Variants in CHM observed in about 807,000 individuals in gnomAD.
CHM encodes the protein rab proteins geranylgeranyltransferase component A 1.
In CHM, 10 loss-of-function variants were observed where a neutral mutation model predicts 49.0. That is an observed-to-expected ratio of 0.20 (90% CI 0.13 to 0.35). CHM has a LOEUF of 0.35. CHM is among the 10% of genes least tolerant of loss of function. The pLI, the probability that CHM is intolerant of heterozygous loss-of-function variation, is 1.00. For synonymous variants in CHM, 184 were observed against 167.5 expected (o/e 1.10, Z -0.76); for missense variants, 455 against 478.4 (o/e 0.95, Z 0.46).
At chrX:85,967,288 T>TGAA (rs1331145694) in intron 4 of CHM, among the ~76,000 whole-genome samples, 2 of 112,470 alleles carry the variant, frequency 1.8e-5, no homozygotes, top group African/African-American at 3.2e-5. Flanking sequence ...CTTAAAAAGA[T>TGAA]ATTCAACCTT....
At chrX:86,016,844 G>A (rs1312994884) in intron 2 of CHM, among the ~76,000 whole-genome samples, 1 of 111,610 alleles carries the variant, frequency 9.0e-6, no homozygotes, top group African/African-American at 3.3e-5. Context: ...CAGCTTGCAC[G>A]TTCACCTGGA....
intron 8 of CHM, among the ~76,000 whole-genome samples, chrX:85,927,614 T>A (rs769647428): frequency 6.2e-5 from 7 of 112,371 alleles, no homozygotes; most frequent in African/African-American, 2.3e-4. Flanking sequence ...TGGAGTATAA[T>A]CTAATTCTTT....
intron 8 of CHM, among the ~76,000 whole-genome samples, chrX:85,932,000 C>T (rs1387155682): frequency 9.0e-6 from 1 of 111,615 alleles, no homozygotes; most frequent in African/African-American, 3.3e-5. Flanking sequence ...TTTCAACATA[C>T]AAACAATATG....
chrX:85,913,356 G>GAAAGAAAGAAAGAAAA, intron 8 of CHM, among the ~76,000 whole-genome samples: 1 of 63,578 alleles, frequency 1.6e-5, no homozygotes, highest in Non-Finnish European at 3.8e-5. Context: ...AAGAAAGAAA[G>GAAAGAAAGAAAGAAAA]AAAGAAAGAA....
At chrX:85,884,419 C>T (rs1341672246) in intron 12 of CHM, among the ~76,000 whole-genome samples, 3 of 110,734 alleles carry the variant, frequency 2.7e-5, no homozygotes. Flanking sequence ...ATCATTATTC[C>T]TATTTCACAG....
At chrX:86,026,675 C>T (rs1438013742) in intron 2 of CHM, among the ~76,000 whole-genome samples, 1 of 112,062 alleles carries the variant, frequency 8.9e-6, no homozygotes, top group Non-Finnish European at 1.9e-5. Flanking sequence ...ACTCATGTTA[C>T]TTTTTGGATT....
At chrX:85,913,500 C>T (rs956631213) in intron 8 of CHM, among the ~76,000 whole-genome samples, 1 of 109,163 alleles carries the variant, frequency 9.2e-6, no homozygotes, top group Non-Finnish European at 1.9e-5. Flanking sequence ...AGAATGATCC[C>T]ACTGTTGGAA....
chrX:86,047,095 T>C (rs752016654), intron 1 of CHM, among the ~76,000 whole-genome samples: 2 of 111,041 alleles, frequency 1.8e-5, no homozygotes, highest in Non-Finnish European at 3.8e-5. Context: ...CGAGACAAAA[T>C]GATGGGGAAT....
At chrX:85,970,360 T>C (rs1930828778) in intron 4 of CHM, 2 of 745,666 alleles carry the variant, frequency 2.7e-6, no homozygotes, top group African/African-American at 2.3e-5. Flanking sequence ...TACTATATAG[T>C]ATTCCAGTAA....
Position 85,866,907 on chromosome X carries a change from A to G in CHM, c.1771-2086T>C, listed in dbSNP as rs377183918. Among the ~76,000 whole-genome samples, 4 of 113,050 alleles carry G rather than the reference A, an allele frequency of 3.5e-5. No individual in the cohort carries two copies. In the East Asian group the frequency reaches 1.1e-3, roughly 32 times the overall value. ...TGCCTATACCCCATCGTATCTTGGA[A>G]GTAACTAACTTGCTTTTGATTTTAC... On this transcript the variant is annotated intron_variant, in intron 14 of 14. Coordinates refer to ENST00000357749, the MANE Select transcript of CHM (RefSeq NM_000390.4).
rs777980881 is a variant in CHM at position 85,987,085 on chromosome X, G to T, written c.117-5276C>A. Among the ~76,000 whole-genome samples, 6 of 111,174 alleles carry T rather than the reference G, an allele frequency of 5.4e-5. No homozygotes were observed. The South Asian group carries it at 2.3e-3, about 42-fold the overall frequency. ...GGAAGAATCTCAGAACTTGCACACT[G>T]GTTCTCTAAAATAAGACAGACAAAA... On this transcript the variant is annotated intron_variant, in intron 2 of 14. Coordinates refer to ENST00000357749, the MANE Select transcript of CHM (RefSeq NM_000390.4).
At chrX:86,032,237 G>A (rs1220398241) in intron 1 of CHM, among the ~76,000 whole-genome samples, 4 of 112,339 alleles carry the variant, frequency 3.6e-5, no homozygotes, top group Non-Finnish European at 7.5e-5. Context: ...TAACCTAGAT[G>A]AGGGTCAAAT....
intron 1 of CHM, among the ~76,000 whole-genome samples, chrX:86,045,259 T>C (rs943110767): frequency 6.2e-5 from 7 of 112,275 alleles, no homozygotes; most frequent in Admixed American, 5.7e-4. Flanking sequence ...AAAGCAAACA[T>C]TTTAAAGGCT....
chrX:85,870,211 CAAATA>C (rs1923962854), intron 14 of CHM, among the ~76,000 whole-genome samples: 1 of 111,514 alleles, frequency 9.0e-6, no homozygotes, highest in Non-Finnish European at 1.9e-5. Flanking sequence ...TTTTGAGGAC[CAAATA>C]AGATAATATA....
intron 1 of CHM, among the ~76,000 whole-genome samples, chrX:86,033,864 T>A (rs977881974): frequency 5.4e-5 from 6 of 112,095 alleles, no homozygotes; most frequent in Non-Finnish European, 1.1e-4. Flanking sequence ...TAATTTAAAA[T>A]CTCTGAACTT....
chrX:85,972,393 G>T (rs1459618422), intron 4 of CHM, among the ~76,000 whole-genome samples: 1 of 113,391 alleles, frequency 8.8e-6, no homozygotes, highest in Non-Finnish European at 1.9e-5. Context: ...ATGGGACTGG[G>T]CGCCGTGGAG....
intron 12 of CHM, among the ~76,000 whole-genome samples, chrX:85,884,495 A>C (rs1159688064): frequency 9.0e-6 from 1 of 111,051 alleles, no homozygotes; most frequent in Admixed American, 9.6e-5. Context: ...GTTAGTAAAA[A>C]CTGGGATTTG....
intron 8 of CHM, among the ~76,000 whole-genome samples, chrX:85,939,069 G>C (rs1191864446): frequency 1.8e-5 from 2 of 111,929 alleles, no homozygotes; most frequent in East Asian, 5.6e-4. Context: ...ACAGTATTCA[G>C]TGCAGTCACA....
chrX:85,924,428 A>C (rs1927967470), intron 8 of CHM, among the ~76,000 whole-genome samples: 1 of 111,729 alleles, frequency 9.0e-6, no homozygotes, highest in East Asian at 2.8e-4. Context: ...ATGAAATGTG[A>C]AGCAATCAAA....
Sources: allele counts gnomAD v4.1 joint callset (sites outside exome capture counted in the v4.1 genomes callset), GRCh38; gene constraint gnomAD v4.1.1; transcripts MANE v1.5; gene names NCBI Gene and HGNC (gene_info 2026-07-23, HGNC 2026-07-21).